ERO1B: variants seen among roughly 807,000 people sequenced by gnomAD.
The protein encoded by ERO1B is ERO1-like protein beta.
A neutral mutation model predicts 75.3 loss-of-function variants in ERO1B; 49 were observed. That is an observed-to-expected ratio of 0.65 (90% confidence interval 0.52 to 0.83). The LOEUF (loss-of-function observed/expected upper bound fraction) is 0.83. ERO1B is among the 40% of genes least tolerant of loss of function. ERO1B has a pLI of 0.00. For missense variants in ERO1B, 512 were observed against 560.1 expected (o/e 0.91, Z 0.87); for synonymous variants, 191 against 192.9 (o/e 0.99, Z 0.08).
At chr1:236,250,497 TA>T (rs1664989796) in intron 4 of ERO1B, among the ~76,000 whole-genome samples, 1 of 146,542 alleles carries the variant, frequency 6.8e-6, no homozygotes, top group Non-Finnish European at 1.5e-5. Context: ...AATTCAAAAG[TA>T]AAAGTTAACA....
At chr1:236,281,593 C>CGGCCCTGCCA (rs2102970348) in intron 1 of ERO1B, 89 bp downstream of exon 1, 1 of 1,008,562 alleles carries the variant, frequency 9.9e-7, no homozygotes, top group Non-Finnish European at 1.3e-6. Context: ...CGGCCCTGCC[C>CGGCCCTGCCA]GGCCCTCCCC....
intron 2 of ERO1B, among the ~76,000 whole-genome samples, chr1:236,258,143 A>AG (rs1282556998): frequency 1.3e-4 from 9 of 70,516 alleles, no homozygotes; most frequent in Non-Finnish European, 6.9e-5. Context: ...AAAAAGAAAA[A>AG]CAAAGCAAAA....
chr1:236,233,504 C>T (rs535643193), intron 8 of ERO1B, among the ~76,000 whole-genome samples: 1 of 146,546 alleles, frequency 6.8e-6, no homozygotes, highest in African/African-American at 2.5e-5. Flanking sequence ...GAGGCTGAGG[C>T]AGAGAACTGC....
At chr1:236,275,197 A>G (rs1221608491) in intron 1 of ERO1B, among the ~76,000 whole-genome samples, 2 of 152,218 alleles carry the variant, frequency 1.3e-5, no homozygotes, top group African/African-American at 4.8e-5. Flanking sequence ...CAATTCTGAC[A>G]CTATCCACCA....
In ERO1B at chr1:236,269,960, A is replaced by G. The variant is rs147700252; in HGVS notation, c.137T>C (p.Ile46Thr). 141 of 1,603,896 alleles carry G rather than the reference A, an allele frequency of 8.8e-5. No individual in the cohort carries two copies. The African/African-American group carries it at 1.7e-3, about 19-fold the overall frequency. Residue 46 changes from isoleucine to threonine, a missense_variant, in exon 2 of 16, where the codon ATT (isoleucine) becomes ACT (threonine). Ile to Thr is a moderately conservative substitution (Grantham distance 89). Transcript: ENST00000354619. Reference protein sequence around the residue: ...TGVLDDCLCDIDSIDNFNTYK... With the variant: ...TGVLDDCLCDTDSIDNFNTYK... ...GGTATTGAAGTTATCGATGCTGTCA[A>G]TATCACACAAGCAATCATCCAGAAC...
chr1:236,254,296 C>A (rs1320967740), intron 2 of ERO1B, among the ~76,000 whole-genome samples: 2 of 152,160 alleles, frequency 1.3e-5, no homozygotes. Flanking sequence ...TTCTTGTTCC[C>A]CATCAAACAA....
intron 6 of ERO1B, among the ~76,000 whole-genome samples, chr1:236,241,302 G>C (rs981363297): frequency 3.9e-5 from 6 of 152,200 alleles, no homozygotes; most frequent in African/African-American, 1.4e-4. Context: ...CCAGCACTGT[G>C]GGAGGCCAAG....
At chr1:236,235,026 A>G (rs563572891) in intron 8 of ERO1B, among the ~76,000 whole-genome samples, 1 of 152,388 alleles carries the variant, frequency 6.6e-6, no homozygotes, top group South Asian at 2.1e-4. Flanking sequence ...TACCAAAACA[A>G]TAAGGTTCTG....
intron 6 of ERO1B, among the ~76,000 whole-genome samples, chr1:236,237,410 C>CG (rs1220491580): frequency 3.3e-5 from 5 of 151,956 alleles, no homozygotes; most frequent in African/African-American, 1.2e-4. Context: ...CCACTGTGCC[C>CG]GGCCCTATTT....
intron 2 of ERO1B, among the ~76,000 whole-genome samples, chr1:236,264,354 T>C (rs929464918): frequency 6.6e-6 from 1 of 152,128 alleles, no homozygotes; most frequent in African/African-American, 2.4e-5. Context: ...ACTGATCCAC[T>C]TGCCTCAGCC....
At position 236,250,572 on chromosome 1, in the gene ERO1B, CATATATATATATATATATAT is replaced by C. The variant is rs1171832762; in HGVS notation, c.349-625_349-606del. ...AACCCTCTTGGGAAGTAAATTTGAC[CATATATATATATATATATAT>C]ATATATATATATATATATATATATA... On this transcript the variant is annotated intron_variant, in intron 4 of 15. Transcript: ENST00000354619. 1.1e-3 allele frequency among the ~76,000 whole-genome samples: 97 copies of C among 86,416 alleles called. 1 individual carries two copies. Among genetic ancestry groups the C allele is most frequent in the East Asian group, 2.8e-3 (11 of 3,888 alleles). 56.7% of individuals were successfully genotyped at this position (86,416 alleles called of 152,430 possible). A position where few individuals can be genotyped will look rare whatever the true frequency, so the allele number is the denominator to read the frequency against.
rs554538260 is a variant in ERO1B at position 236,217,619 on chromosome 1, C to G, written c.*897G>C. 6.5e-6 allele frequency: 1 copy of G among 152,696 alleles called. No individual in the cohort carries two copies. The highest frequency in any genetic ancestry group is 2.4e-5 in the African/African-American group (1 of 41,576). The allele number at this position is 152,696 out of a possible 1,614,324, so 9.5% of individuals were successfully genotyped here. On this transcript the variant is annotated 3_prime_UTR_variant, in exon 16 of 16. Coordinates refer to ENST00000354619, the MANE Select transcript of ERO1B (RefSeq NM_019891.4). ...ATATTTTCAATTGGCATTATAAATTCATATAATCCCATTTAAATTTTATCA... is the reference window on the plus strand; with the variant it reads ...ATATTTTCAATTGGCATTATAAATTGATATAATCCCATTTAAATTTTATCA...
chr1:236,239,835 GTGTATATATATA>G (rs1664644125), intron 6 of ERO1B, among the ~76,000 whole-genome samples: 1 of 42,358 alleles, frequency 2.4e-5, no homozygotes, highest in East Asian at 4.5e-4. Flanking sequence ...GTATATATAT[GTGTATATATATA>G]TGTGTATATA....
chr1:236,265,751 C>T (rs778273630), intron 2 of ERO1B, among the ~76,000 whole-genome samples: 6 of 152,256 alleles, frequency 3.9e-5, no homozygotes, highest in Admixed American at 1.3e-4. Flanking sequence ...ATATTTCCAA[C>T]TCTCCCTCTC....
At chr1:236,248,873 T>C (rs1164751190) in intron 5 of ERO1B, among the ~76,000 whole-genome samples, 3 of 152,136 alleles carry the variant, frequency 2.0e-5, no homozygotes, top group African/African-American at 7.2e-5. Flanking sequence ...TTAATATTTA[T>C]TTACTTGGAA....
intron 15 of ERO1B, among the ~76,000 whole-genome samples, chr1:236,219,457 T>C (rs1306151927): frequency 6.6e-6 from 1 of 152,220 alleles, no homozygotes; most frequent in Non-Finnish European, 1.5e-5. Context: ...AAATTTTCAA[T>C]TGTTTTGAAA....
chr1:236,269,710 G>A (rs1665547168), intron 2 of ERO1B, among the ~76,000 whole-genome samples, 165 bp downstream of exon 2: 1 of 152,144 alleles, frequency 6.6e-6, no homozygotes, highest in Non-Finnish European at 1.5e-5. Flanking sequence ...GCTAAGATTT[G>A]TACTGTTTAA....
chr1:236,261,552 C>T (rs1487673286), intron 2 of ERO1B, among the ~76,000 whole-genome samples: 2 of 152,018 alleles, frequency 1.3e-5, no homozygotes, highest in Non-Finnish European at 2.9e-5. Context: ...TTTACAGTAA[C>T]ATCAAGAAAT....
intron 5 of ERO1B, 55 bp downstream of exon 5, chr1:236,249,830 T>C (rs999648877): frequency 7.8e-7 from 1 of 1,283,746 alleles, no homozygotes; most frequent in African/African-American, 1.5e-5. Flanking sequence ...TCATAAAAAA[T>C]TGATTCTTGA....
Sources: gnomAD v4.1 joint callset for allele counts (sites outside exome capture counted in the v4.1 genomes callset) on GRCh38, gnomAD v4.1.1 for gene constraint, MANE v1.5 for transcripts, NCBI Gene and HGNC (gene_info 2026-07-23, HGNC 2026-07-21) for gene names.